Variants in HMCN1 observed in about 807,000 individuals in gnomAD.
HMCN1 encodes the protein hemicentin-1.
A neutral mutation model predicts 625.9 loss-of-function variants in HMCN1; 321 were observed. The ratio of observed to expected loss-of-function variants is 0.51; its 90% CI spans 0.47 to 0.56. HMCN1 has a LOEUF of 0.56. Ranked by LOEUF, HMCN1 falls within the 20% of genes least tolerant of loss-of-function variation. The pLI is 0.00. For synonymous variants in HMCN1, 2,425 were observed against 2,417.6 expected (o/e 1.00, Z -0.09); for missense variants, 6,588 against 6,887.3 (o/e 0.96, Z 1.54).
chr1:186,162,172 C>T (rs997241537), intron 97 of HMCN1, among the ~76,000 whole-genome samples: 1 of 152,140 alleles, frequency 6.6e-6, no homozygotes, highest in African/African-American at 2.4e-5. Flanking sequence ...TTCATTTCAT[C>T]TTCTATTGCT....
intron 30 of HMCN1, among the ~76,000 whole-genome samples, chr1:186,012,377 C>T (rs1183635046): frequency 6.6e-6 from 1 of 151,714 alleles, no homozygotes; most frequent in Non-Finnish European, 1.5e-5. Context: ...CTCTAAGAGG[C>T]TAATCCTTCA....
rs74135324 is a variant in HMCN1 at position 185,789,021 on chromosome 1, C to T, written c.268+53974C>T. On this transcript the variant is annotated intron_variant, in intron 1 of 106. Coordinates refer to ENST00000271588, the MANE Select transcript of HMCN1 (RefSeq NM_031935.3). ...TAAAGAAATAAAAACATTTTAACTACATTTGTTTTTATTAAAATTCCCAAA... is the reference window on the plus strand; with the variant it reads ...TAAAGAAATAAAAACATTTTAACTATATTTGTTTTTATTAAAATTCCCAAA... Among the ~76,000 whole-genome samples the T allele has an allele frequency of 9.1e-3, 1,379 of 152,254 alleles. 21 individuals carry two copies. The highest frequency in any genetic ancestry group is 0.03 in the African/African-American group (1,245 of 41,550).
At chr1:185,741,878 G>A (rs754052162) in intron 1 of HMCN1, among the ~76,000 whole-genome samples, 3 of 152,298 alleles carry the variant, frequency 2.0e-5, no homozygotes, top group Non-Finnish European at 4.4e-5. Flanking sequence ...ATATTGCCGT[G>A]TCCAACTACT....
chr1:185,808,386 G>A (rs535251469), intron 1 of HMCN1, among the ~76,000 whole-genome samples: 76 of 151,940 alleles, frequency 5.0e-4, no homozygotes, highest in African/African-American at 1.8e-3. Flanking sequence ...AAAAATGGTG[G>A]TGCATGCCTG....
chr1:185,734,398 G>A lies in HMCN1; in HGVS notation c.-382G>A, dbSNP rs1653396371. Among the ~76,000 whole-genome samples, 1 of 152,240 alleles carries A rather than the reference G, an allele frequency of 6.6e-6. No homozygotes were observed. The highest frequency in any genetic ancestry group is 1.5e-5 in the Non-Finnish European group (1 of 68,042). On this transcript the variant is annotated 5_prime_UTR_variant, in exon 1 of 107. Transcript: ENST00000271588. ...TGGAAAGTTGGGAACCTCAGTCGCT[G>A]GCCCAGGCGGAGAGCAGCGGCGGCG...
At chr1:186,112,119 T>A (rs1172139660) in intron 71 of HMCN1, among the ~76,000 whole-genome samples, 3 of 152,254 alleles carry the variant, frequency 2.0e-5, no homozygotes, top group Non-Finnish European at 2.9e-5. Context: ...GTGCTCTATT[T>A]TCATAATTTT....
chr1:185,921,726 A>C (rs1383400406), intron 6 of HMCN1, among the ~76,000 whole-genome samples: 1 of 152,210 alleles, frequency 6.6e-6, no homozygotes, highest in Non-Finnish European at 1.5e-5. Context: ...CTATGTAATA[A>C]AATAATGGTG....
chr1:185,845,630 G>A (rs1661764916), intron 1 of HMCN1, among the ~76,000 whole-genome samples: 1 of 152,210 alleles, frequency 6.6e-6, no homozygotes, highest in Admixed American at 6.5e-5. Flanking sequence ...TTACAGAAAA[G>A]TTGCAAACAA....
intron 36 of HMCN1, among the ~76,000 whole-genome samples, chr1:186,035,755 T>C (rs1340196489): frequency 6.6e-6 from 1 of 152,194 alleles, no homozygotes; most frequent in Non-Finnish European, 1.5e-5. Flanking sequence ...TAAAATACTT[T>C]ATTGGCATTT....
intron 106 of HMCN1, 123 bp from the exon 107 acceptor site, chr1:186,189,389 T>C: frequency 9.9e-7 from 1 of 1,013,516 alleles, no homozygotes. Context: ...GTCTTACCGC[T>C]TTTACAGCCA....
intron 19 of HMCN1, 28 bp downstream of exon 19, chr1:185,984,341 T>C (rs1425798432): frequency 1.9e-6 from 3 of 1,611,600 alleles, no homozygotes; most frequent in Non-Finnish European, 2.5e-6. Flanking sequence ...TGTTATTGTT[T>C]CGAAACTGTG....
chr1:185,794,602 T>G (rs63160663), intron 1 of HMCN1, among the ~76,000 whole-genome samples: 1 of 57,754 alleles, frequency 1.7e-5, no homozygotes, highest in Non-Finnish European at 3.3e-5. Context: ...TCTTTACACA[T>G]TTTTTTTTTT....
chr1:186,131,112 T>C (rs1341041168), intron 85 of HMCN1, among the ~76,000 whole-genome samples: 4 of 152,140 alleles, frequency 2.6e-5, no homozygotes, highest in African/African-American at 7.2e-5. Context: ...AGTTTTGGGG[T>C]CAAATTACCC....
intron 1 of HMCN1, among the ~76,000 whole-genome samples, chr1:185,783,748 T>C (rs535490601): frequency 1.3e-5 from 2 of 152,364 alleles, no homozygotes; most frequent in South Asian, 4.1e-4. Context: ...GGTGTCAGTC[T>C]GCCCCTACTG....
At chr1:186,162,537 T>C (rs192387687) in intron 97 of HMCN1, among the ~76,000 whole-genome samples, 1,840 of 152,250 alleles carry the variant, frequency 0.012, 30 homozygotes, top group African/African-American at 0.042. Context: ...TCCCCATCTT[T>C]GTGGTTTTTT....
intron 1 of HMCN1, among the ~76,000 whole-genome samples, chr1:185,838,416 C>T (rs556298306): frequency 4.1e-4 from 63 of 152,300 alleles, no homozygotes; most frequent in South Asian, 3.7e-3. Context: ...CACCTCCATG[C>T]CCCACTCAAA....
At position 185,864,528 on chromosome 1, in the gene HMCN1, C is replaced by G; in HGVS notation, c.398C>G (p.Ser133Cys). ...IGAIKIALEI[S>C]LPGSFIYVFT... Reference sequence around the variant, plus strand: ...GCTATAAAAATTGCCTTGGAAATTTCTCTTCCTGGTTCTTTCATCTATGTT... The same window carrying G: ...GCTATAAAAATTGCCTTGGAAATTTGTCTTCCTGGTTCTTTCATCTATGTT... The change falls in exon 3 of 107, where the codon TCT becomes TGT. Residue 133 changes from serine (S) to cysteine (C), a missense_variant. Ser to Cys is a moderately radical substitution (Grantham distance 112). Around this residue, in one of 3 missense-constraint regions of HMCN1, gnomAD observed 4,628 missense variants for 4,853.1 expected, o/e 0.95. Transcript: ENST00000271588. 6.2e-7 allele frequency: 1 copy of G among 1,614,014 alleles called. No individual in the cohort carries two copies. The highest frequency in any genetic ancestry group is 8.5e-7 in the Non-Finnish European group (1 of 1,179,942).
At chr1:186,104,296 C>T (rs1031330818) in intron 69 of HMCN1, among the ~76,000 whole-genome samples, 1 of 152,074 alleles carries the variant, frequency 6.6e-6, no homozygotes, top group Non-Finnish European at 1.5e-5. Context: ...ATAATCATGC[C>T]TCATTCATAC....
chr1:185,790,560 A>G (rs934497392), intron 1 of HMCN1, among the ~76,000 whole-genome samples: 2 of 152,224 alleles, frequency 1.3e-5, no homozygotes, highest in African/African-American at 2.4e-5. Context: ...GAGGCACCAA[A>G]GGAAAAGTGG....
Sources: gnomAD v4.1 joint callset for allele counts (sites outside exome capture counted in the v4.1 genomes callset) on GRCh38, gnomAD v4.1.1 for gene constraint, gnomAD v4.1.1 regional missense constraint, MANE v1.5 for transcripts, NCBI Gene and HGNC (gene_info 2026-07-23, HGNC 2026-07-21) for gene names.